Variants in LRRC40 observed in about 807,000 individuals in gnomAD.
The protein encoded by LRRC40 is leucine-rich repeat-containing protein 40.
In LRRC40, 76 loss-of-function variants were observed where a neutral mutation model predicts 72.8. That is an observed-to-expected ratio of 1.04 (90% CI 0.87 to 1.26). LRRC40 has a LOEUF of 1.26. LRRC40 is among the 50% of genes most tolerant of loss of function. LRRC40 has a pLI of 0.00. For missense variants in LRRC40, 684 were observed against 698.9 expected (o/e 0.98, Z 0.24); for synonymous variants, 243 against 254.2 (o/e 0.96, Z 0.42).
intron 8 of LRRC40, 45 bp downstream of exon 8, chr1:70,173,577 T>C (rs938817663): frequency 4.0e-6 from 6 of 1,483,554 alleles, no homozygotes; most frequent in Middle Eastern, 1.7e-4. Flanking sequence ...AACATATATG[T>C]CTGAATTTCA....
intron 9 of LRRC40, among the ~76,000 whole-genome samples, chr1:70,171,286 A>G (rs1487840065): frequency 6.6e-6 from 1 of 152,014 alleles, no homozygotes; most frequent in Admixed American, 6.6e-5. Context: ...ATAACCTAGG[A>G]TTTTGTAAAG....
intron 9 of LRRC40, among the ~76,000 whole-genome samples, chr1:70,166,503 T>TA (rs897921746): frequency 3.6e-4 from 54 of 151,956 alleles, no homozygotes; most frequent in African/African-American, 1.2e-3. Context: ...TACAAAAAAA[T>TA]AAAAATAGCC....
intron 9 of LRRC40, among the ~76,000 whole-genome samples, chr1:70,163,855 T>C (rs1667820022): frequency 6.6e-6 from 1 of 152,160 alleles, no homozygotes; most frequent in African/African-American, 2.4e-5. Flanking sequence ...AATGCCACGA[T>C]GGCATAATTG....
At chr1:70,153,606 A>T (rs1176362142) in intron 11 of LRRC40, among the ~76,000 whole-genome samples, 1 of 152,170 alleles carries the variant, frequency 6.6e-6, no homozygotes, top group East Asian at 1.9e-4. Flanking sequence ...TGTCATAATC[A>T]ACCTTAAAGT....
intron 9 of LRRC40, among the ~76,000 whole-genome samples, chr1:70,160,483 T>G (rs1200832960): frequency 6.6e-6 from 1 of 152,114 alleles, no homozygotes; most frequent in Non-Finnish European, 1.5e-5. Flanking sequence ...AGGAAAGTAT[T>G]AACATCAAGT....
chr1:70,146,050 A>G, intron 14 of LRRC40, 145 bp from the exon 15 acceptor site: 1 of 528,662 alleles, frequency 1.9e-6, no homozygotes, highest in Non-Finnish European at 3.3e-6. Flanking sequence ...TTTGAGACAG[A>G]GTCTCACTCT....
rs776129707 is a variant in LRRC40 at position 70,178,950 on chromosome 1, TA to T, written c.704del (p.Ile235AsnfsTer11). 2 of 1,601,536 alleles carry T rather than the reference TA, an allele frequency of 1.2e-6. No homozygotes were observed. The highest frequency in any genetic ancestry group is 2.2e-5 in the South Asian group (2 of 89,202). The part of the protein sequence containing the change: ...LDCNSNLLET[I>X]PPELAGMESL... ...ATTCCATGCCAGCCAATTCAGGAGG[TA>T]TAGTTTCCAAGAGATTTGAATTACA... On this transcript the variant is annotated frameshift_variant, in exon 6 of 15. Coordinates refer to ENST00000370952, the MANE Select transcript of LRRC40 (RefSeq NM_017768.5). LOFTEE classifies it high-confidence loss of function.
chr1:70,170,094 A>T (rs796649262), intron 9 of LRRC40, among the ~76,000 whole-genome samples: 2 of 152,230 alleles, frequency 1.3e-5, no homozygotes, highest in Non-Finnish European at 2.9e-5. Context: ...ATGCAAGCTG[A>T]TTTACCATCT....
chr1:70,199,788 G>A (rs779005909), intron 1 of LRRC40, among the ~76,000 whole-genome samples: 3 of 152,164 alleles, frequency 2.0e-5, no homozygotes, highest in African/African-American at 4.8e-5. Context: ...TTTTGGGGGA[G>A]TCAAAAGTTA....
intron 9 of LRRC40, among the ~76,000 whole-genome samples, chr1:70,160,770 T>C (rs576215273): frequency 6.6e-6 from 1 of 151,972 alleles, no homozygotes; most frequent in Non-Finnish European, 1.5e-5. Context: ...GCGAGAGAGA[T>C]TTCCTTTCAT....
chr1:70,189,093 T>A lies in LRRC40; in HGVS notation c.332A>T (p.Asp111Val), dbSNP rs776835259. ...CATATTTATAGTCAGTCAACTTACA[T>A]CAAGAACAGTCAGTGCAGGCAAGAG... ...LRLLPALTVL[D>V]IHDNQLTSLP... Residue 111 changes from aspartate to valine, a missense_variant and splice_region_variant, in exon 2 of 15, where the codon GAT (aspartate) becomes GTT (valine). Coordinates refer to ENST00000370952, the MANE Select transcript of LRRC40 (RefSeq NM_017768.5). 3 of 1,608,400 alleles carry A rather than the reference T, an allele frequency of 1.9e-6. No homozygotes were observed. The highest frequency in any genetic ancestry group is 2.5e-6 in the Non-Finnish European group (3 of 1,177,672).
chr1:70,176,697 G>T (rs780651416), intron 6 of LRRC40, among the ~76,000 whole-genome samples: 5 of 151,976 alleles, frequency 3.3e-5, no homozygotes, highest in South Asian at 4.1e-4. Flanking sequence ...TGTTTAAACT[G>T]TGAGGGTCCA....
At position 70,159,453 on chromosome 1, in the gene LRRC40, C is replaced by T; in HGVS notation, c.1112-15G>A. The T allele has an allele frequency of 8.1e-7, 1 of 1,233,930 alleles. No individual in the cohort carries two copies. The highest frequency in any genetic ancestry group is 1.5e-5 in the African/African-American group (1 of 67,088). The allele number at this position is 1,233,930 out of a possible 1,614,324, so 76.4% of individuals were successfully genotyped here. On this transcript the variant is annotated splice_polypyrimidine_tract_variant and intron_variant, in intron 9 of 14. Transcript: ENST00000370952. ...AGGTCCATCATCTGGCAAAAGAAAA[C>T]TTATATGAAGCCAATATTTATACTA...
intron 1 of LRRC40, among the ~76,000 whole-genome samples, chr1:70,191,250 C>T (rs1433834149): frequency 6.6e-6 from 1 of 151,966 alleles, no homozygotes; most frequent in Non-Finnish European, 1.5e-5. Flanking sequence ...TGAGATGCAC[C>T]ATTCTACTCC....
intron 1 of LRRC40, among the ~76,000 whole-genome samples, chr1:70,195,500 T>C (rs1033491599): frequency 1.3e-5 from 2 of 152,046 alleles, no homozygotes; most frequent in South Asian, 4.2e-4. Flanking sequence ...CAAAAAAATA[T>C]GCCAACACAG....
At chr1:70,199,626 T>G (rs958220321) in intron 1 of LRRC40, among the ~76,000 whole-genome samples, 2 of 152,208 alleles carry the variant, frequency 1.3e-5, no homozygotes, top group African/African-American at 4.8e-5. Context: ...ATATTTTCTC[T>G]TCCTTATGAT....
At chr1:70,149,512 T>A (rs1274926062) in intron 13 of LRRC40, among the ~76,000 whole-genome samples, 1 of 152,134 alleles carries the variant, frequency 6.6e-6, no homozygotes, top group Non-Finnish European at 1.5e-5. Flanking sequence ...CTGCAACCCA[T>A]GAACAAGATA....
At chr1:70,160,247 A>G (rs1374435238) in intron 9 of LRRC40, among the ~76,000 whole-genome samples, 4 of 152,164 alleles carry the variant, frequency 2.6e-5, no homozygotes, top group Non-Finnish European at 5.9e-5. Context: ...AAAGAAAACA[A>G]AAAAAATTAG....
At chr1:70,157,538 A>G (rs1667666323) in intron 10 of LRRC40, among the ~76,000 whole-genome samples, 2 of 152,092 alleles carry the variant, frequency 1.3e-5, no homozygotes, top group South Asian at 4.1e-4. Flanking sequence ...ACTACTTTAT[A>G]GATTGTCTGC....
Sources: gnomAD v4.1 joint callset for allele counts (sites outside exome capture counted in the v4.1 genomes callset) on GRCh38, gnomAD v4.1.1 for gene constraint, MANE v1.5 for transcripts, NCBI Gene and HGNC (gene_info 2026-07-23, HGNC 2026-07-21) for gene names.